FGGY: variants seen among roughly 807,000 people sequenced by gnomAD.
FGGY encodes the protein FGGY carbohydrate kinase domain containing.
In FGGY, 72 loss-of-function variants were observed where a neutral mutation model predicts 71.3. The observed-to-expected ratio is 1.01, with a 90% CI of 0.84 to 1.23. The LOEUF (loss-of-function observed/expected upper bound fraction) is 1.23. Ranked by LOEUF, FGGY falls within the 50% of genes most tolerant of loss-of-function variation. FGGY has a pLI of 0.00. For missense variants in FGGY, 668 were observed against 682.3 expected (o/e 0.98, Z 0.23); for synonymous variants, 251 against 250.3 (o/e 1.00, Z -0.02).
chr1:59,762,614 CTTCTGTGCCATTG>C lies in FGGY; in HGVS notation c.*31_*43del, dbSNP rs569299171. ...GGCTTGCAGGTGCTGATGCCAGAAG[CTTCTGTGCCATTG>C]CATTAAAGACTTGTCATTTGATCCA... On this transcript the variant is annotated 3_prime_UTR_variant, in exon 16 of 16. Coordinates refer to ENST00000303721, the MANE Select transcript of FGGY (RefSeq NM_018291.5). The C allele has an allele frequency of 1.6e-3, 2,467 of 1,549,698 alleles. 19 individuals are homozygous for C. In the African/African-American group the frequency reaches 0.024, roughly 15 times the overall value.
At chr1:59,538,702 G>C (rs1403524146) in intron 7 of FGGY, among the ~76,000 whole-genome samples, 1 of 151,990 alleles carries the variant, frequency 6.6e-6, no homozygotes, top group East Asian at 1.9e-4. Flanking sequence ...TTAGGGACAT[G>C]GATGAAATTG....
In FGGY at chr1:59,739,025, G is replaced by A. The variant is rs1382746993; in HGVS notation, c.1513-18906G>A. Among the ~76,000 whole-genome samples the A allele has an allele frequency of 2.6e-5, 4 of 152,314 alleles. No individual in the cohort carries two copies. The East Asian group carries it at 7.7e-4, about 29-fold the overall frequency. On this transcript the variant is annotated intron_variant, in intron 14 of 15. Transcript: ENST00000303721. ...TCACCTGGTCAGGTACTGCCTTGAA[G>A]GGAGACCAGAACAGACATGGAGTGG...
chr1:59,623,659 C>T (rs1029894512), intron 9 of FGGY, among the ~76,000 whole-genome samples: 5 of 152,198 alleles, frequency 3.3e-5, no homozygotes, highest in African/African-American at 1.2e-4. Flanking sequence ...TAGCCCTTTA[C>T]TCCTCCAAAC....
chr1:59,430,907 A>T (rs2067240691), intron 5 of FGGY, among the ~76,000 whole-genome samples: 2 of 152,094 alleles, frequency 1.3e-5, no homozygotes, highest in African/African-American at 4.8e-5. Context: ...CCTAGGCTCA[A>T]CTCATTTTCC....
chr1:59,577,740 AT>A (rs1414001316), intron 8 of FGGY, among the ~76,000 whole-genome samples: 1 of 152,172 alleles, frequency 6.6e-6, no homozygotes, highest in Non-Finnish European at 1.5e-5. Flanking sequence ...ATTTCATTTC[AT>A]AAGTTAGAGT....
At chr1:59,561,351 G>C (rs1273410356) in intron 8 of FGGY, among the ~76,000 whole-genome samples, 1 of 152,156 alleles carries the variant, frequency 6.6e-6, no homozygotes, top group Admixed American at 6.5e-5. Flanking sequence ...GTCAAGACTA[G>C]CTCTCAGACT....
intron 2 of FGGY, among the ~76,000 whole-genome samples, chr1:59,329,568 C>T (rs994494201): frequency 2.0e-5 from 3 of 152,236 alleles, no homozygotes; most frequent in Non-Finnish European, 4.4e-5. Context: ...ACTTGCATTC[C>T]TGGCTCATCT....
chr1:59,520,136 G>A (rs550735503), intron 7 of FGGY, among the ~76,000 whole-genome samples: 29 of 152,282 alleles, frequency 1.9e-4, no homozygotes, highest in African/African-American at 7.0e-4. Flanking sequence ...ATTCTCTCCT[G>A]GAACACCTCC....
At chr1:59,653,910 T>G (rs2097194345) in intron 11 of FGGY, among the ~76,000 whole-genome samples, 1 of 152,222 alleles carries the variant, frequency 6.6e-6, no homozygotes, top group Non-Finnish European at 1.5e-5. Context: ...TCCTCTGCCT[T>G]TCTCTTCTGC....
intron 7 of FGGY, among the ~76,000 whole-genome samples, chr1:59,536,018 C>A (rs1459361246): frequency 6.6e-6 from 1 of 150,858 alleles, no homozygotes; most frequent in Admixed American, 6.6e-5. Flanking sequence ...CACAAAAAAC[C>A]CTTCAAAAAA....
At position 59,691,230 on chromosome 1, in the gene FGGY, G is replaced by A. The variant is rs531672909; in HGVS notation, c.1512+17097G>A. Among the ~76,000 whole-genome samples, 5 of 152,184 alleles carry A rather than the reference G, an allele frequency of 3.3e-5. No homozygotes were observed. In the East Asian group the frequency reaches 9.6e-4, roughly 29 times the overall value. On this transcript the variant is annotated intron_variant, in intron 14 of 15. Transcript: ENST00000303721. ...AGGAAATAACTGAAAATATTATAAT[G>A]TTTAATAATGATACTTAATAATTCA...
At chr1:59,556,517 A>G (rs190428520) in intron 8 of FGGY, among the ~76,000 whole-genome samples, 5 of 152,020 alleles carry the variant, frequency 3.3e-5, no homozygotes, top group Admixed American at 3.3e-4. Context: ...CAAAGCTCAT[A>G]CTCCTCCTTG....
intron 14 of FGGY, among the ~76,000 whole-genome samples, chr1:59,712,834 C>T (rs1022116949): frequency 2.6e-5 from 4 of 152,216 alleles, no homozygotes; most frequent in African/African-American, 7.2e-5. Context: ...GCCCTAGAGA[C>T]ATTTTCCTCA....
rs965001167 is a variant in FGGY at position 59,524,920 on chromosome 1, G to A, written c.799+12481G>A. On this transcript the variant is annotated intron_variant, in intron 7 of 15. Transcript: ENST00000303721. ...AACAAGGCTGGAAACACATCCCTCC[G>A]GCTCACTCGCTACTTTGTGGGCAAT... Among the ~76,000 whole-genome samples the A allele has an allele frequency of 7.9e-5, 12 of 152,184 alleles. No homozygotes were observed. In the East Asian group the frequency reaches 1.2e-3, roughly 15 times the overall value.
intron 5 of FGGY, among the ~76,000 whole-genome samples, chr1:59,407,305 C>T (rs2062909254): frequency 6.6e-6 from 1 of 152,146 alleles, no homozygotes; most frequent in African/African-American, 2.4e-5. Context: ...GATTTAAAAG[C>T]CAAGGCAAGA....
chr1:59,558,697 C>G (rs965685845), intron 8 of FGGY, among the ~76,000 whole-genome samples: 1 of 152,188 alleles, frequency 6.6e-6, no homozygotes, highest in East Asian at 1.9e-4. Flanking sequence ...AGCAGAGAAC[C>G]GATCTGACCT....
At chr1:59,422,030 T>C (rs1440648450) in intron 5 of FGGY, among the ~76,000 whole-genome samples, 1 of 152,202 alleles carries the variant, frequency 6.6e-6, no homozygotes, top group Non-Finnish European at 1.5e-5. Flanking sequence ...GATTTAATCA[T>C]TGCCTATGTA....
At chr1:59,558,932 T>C (rs1265527596) in intron 8 of FGGY, among the ~76,000 whole-genome samples, 1 of 152,184 alleles carries the variant, frequency 6.6e-6, no homozygotes, top group Non-Finnish European at 1.5e-5. Flanking sequence ...ACATCTGTTT[T>C]AGGCTGTCTG....
At chr1:59,423,734 C>G (rs2065850944) in intron 5 of FGGY, among the ~76,000 whole-genome samples, 1 of 152,180 alleles carries the variant, frequency 6.6e-6, no homozygotes, top group Non-Finnish European at 1.5e-5. Flanking sequence ...CAGCTTCTGG[C>G]AGGTCATACT....
Sources: allele counts gnomAD v4.1 joint callset (sites outside exome capture counted in the v4.1 genomes callset), GRCh38; gene constraint gnomAD v4.1.1; transcripts MANE v1.5; gene names NCBI Gene and HGNC (gene_info 2026-07-23, HGNC 2026-07-21).